NKIRAS1: variants seen among roughly 807,000 people sequenced by gnomAD.
NKIRAS1 encodes the protein NF-kappa-B inhibitor-interacting Ras-like protein 1.
In NKIRAS1, 16 loss-of-function variants were observed where a neutral mutation model predicts 19.8. The observed-to-expected ratio is 0.81, with a 90% CI of 0.55 to 1.23. NKIRAS1 has a LOEUF of 1.23. NKIRAS1 is among the 50% of genes most tolerant of loss of function. NKIRAS1 has a pLI of 0.00. For synonymous variants in NKIRAS1, 88 were observed against 79.0 expected, an observed-to-expected ratio of 1.11 and a Z score of -0.61; for missense variants, 184 against 220.0, an observed-to-expected ratio of 0.84 and a Z score of 1.04.
chr3:23,920,400 T>C, upstream of NKIRAS1: 1 of 985,434 alleles, frequency 1.0e-6, no homozygotes, highest in Non-Finnish European at 1.2e-6. Context: ...CATATGTGTT[T>C]TCTGCAGTTA....
chr3:23,905,427 G>T (rs376339888), intron 3 of NKIRAS1, among the ~76,000 whole-genome samples: 5 of 152,032 alleles, frequency 3.3e-5, no homozygotes, highest in African/African-American at 1.2e-4. Context: ...TCAAAATTCC[G>T]AAAGTATATT....
chr3:23,907,605 A>G (rs1703206417), intron 3 of NKIRAS1, among the ~76,000 whole-genome samples: 1 of 152,186 alleles, frequency 6.6e-6, no homozygotes. Context: ...TGGTGGGTAA[A>G]ACTGCCGGTA....
chr3:23,896,134 C>CA lies in NKIRAS1; in HGVS notation c.337-2798dup, dbSNP rs71057634. Among the ~76,000 whole-genome samples, 84 of 49,102 alleles carry CA rather than the reference C, an allele frequency of 1.7e-3. 1 individual carries two copies. Among genetic ancestry groups the CA allele is most frequent in the Admixed American group, 1.8e-3 (7 of 3,840 alleles). The allele number at this position is 49,102 out of a possible 152,430, so 32.2% of individuals were successfully genotyped here. On this transcript the variant is annotated intron_variant, in intron 4 of 4. Transcript: ENST00000425478. ...TGGGAGATGGAGCAAGACTCCATCT[C>CA]AAAAAAAAAAAAAAAAAAAAAACTT... is the stretch of plus-strand genomic sequence containing the variant.
At chr3:23,899,026 C>T (rs1702247526) in intron 4 of NKIRAS1, among the ~76,000 whole-genome samples, 1 of 152,176 alleles carries the variant, frequency 6.6e-6, no homozygotes, top group African/African-American at 2.4e-5. Flanking sequence ...CAAACCACCC[C>T]ATCTCCATCT....
At chr3:23,941,586 G>A (rs1482600816) in intron 1 of NKIRAS1, among the ~76,000 whole-genome samples, 3 of 151,942 alleles carry the variant, frequency 2.0e-5, no homozygotes, top group South Asian at 2.1e-4. Context: ...ATTAATAAAT[G>A]AGGCTCCTTG....
upstream of NKIRAS1, chr3:23,920,515 T>C (rs1705018462): frequency 5.1e-6 from 5 of 985,286 alleles, no homozygotes; most frequent in Non-Finnish European, 6.0e-6. Flanking sequence ...CCACATTGCA[T>C]TTCTGTTTGC....
intron 2 of NKIRAS1, 132 bp downstream of exon 2, chr3:23,911,197 C>G (rs1172593294): frequency 3.6e-6 from 1 of 278,594 alleles, no homozygotes; most frequent in Non-Finnish European, 6.9e-6. Context: ...CTCATGCCTG[C>G]AATCCTACCA....
Position 23,916,978 on chromosome 3 carries a change from G to A in NKIRAS1, c.-334C>T, listed in dbSNP as rs1704606999. On this transcript the variant is annotated 5_prime_UTR_variant, in exon 1 of 5. Coordinates refer to ENST00000425478, the MANE Select transcript of NKIRAS1 (RefSeq NM_020345.4). ...CTCAGGCTCGAATCTTGCGGAGCAG[G>A]GGGCGGGACAATAGCGGCCGCGGCG... The A allele has an allele frequency of 6.6e-6, 1 of 152,644 alleles. No homozygotes were observed. Among genetic ancestry groups the A allele is most frequent in the South Asian group, 2.1e-4 (1 of 4,834 alleles). The allele number at this position is 152,644 out of a possible 1,614,324, so 9.5% of individuals were successfully genotyped here. A position where few individuals can be genotyped will look rare whatever the true frequency, so the allele number is the denominator to read the frequency against.
At position 23,891,378 on chromosome 3, in the gene NKIRAS1, C is replaced by CGAT. The variant is rs1257356638; in HGVS notation, c.*1714_*1716dup. 1 of 152,144 alleles carries CGAT rather than the reference C, an allele frequency of 6.6e-6. No homozygotes were observed. Among genetic ancestry groups the CGAT allele is most frequent in the East Asian group, 1.9e-4 (1 of 5,200 alleles). The allele number at this position is 152,144 out of a possible 1,614,324, so 9.4% of individuals were successfully genotyped here. A position where few individuals can be genotyped will look rare whatever the true frequency, so the allele number is the denominator to read the frequency against. On this transcript the variant is annotated 3_prime_UTR_variant, in exon 5 of 5. Transcript: ENST00000425478. ...TGCCATTCGCAGATTCTTCTGAAAT[C>CGAT]GATAGGTATCTGCTTCTAAAACAAG...
intron 1 of NKIRAS1, among the ~76,000 whole-genome samples, chr3:23,913,149 G>C (rs747202905): frequency 6.6e-6 from 1 of 150,894 alleles, no homozygotes; most frequent in Non-Finnish European, 1.5e-5. Flanking sequence ...AGGATTAACA[G>C]ACAACGTTTG....
At chr3:23,907,300 G>C (rs1248093215) in intron 3 of NKIRAS1, among the ~76,000 whole-genome samples, 5 of 152,078 alleles carry the variant, frequency 3.3e-5, no homozygotes, top group Non-Finnish European at 7.3e-5. Context: ...AACTGTTTAT[G>C]TTATCAGGTT....
chr3:23,944,198 G>C (rs1356970841), intron 1 of NKIRAS1, among the ~76,000 whole-genome samples: 1 of 152,296 alleles, frequency 6.6e-6, no homozygotes, highest in African/African-American at 2.4e-5. Flanking sequence ...TAATTTTGCT[G>C]GCTTCAGGAA....
chr3:23,945,563 C>T (rs1016486424), intron 1 of NKIRAS1: 17 of 1,164,904 alleles, frequency 1.5e-5, no homozygotes, highest in Middle Eastern at 6.8e-4. Context: ...GCCCCGGCCG[C>T]CTCCGCGAGG....
intron 4 of NKIRAS1, among the ~76,000 whole-genome samples, chr3:23,899,213 C>T (rs562067315): frequency 3.9e-5 from 6 of 152,238 alleles, no homozygotes; most frequent in African/African-American, 1.4e-4. Context: ...AAAAGAGTAA[C>T]ATGAAGGATC....
At chr3:23,910,017 C>T (rs1330431448) in intron 3 of NKIRAS1, among the ~76,000 whole-genome samples, 1 of 151,972 alleles carries the variant, frequency 6.6e-6, no homozygotes, top group Non-Finnish European at 1.5e-5. Flanking sequence ...CACCGCCACA[C>T]CCAGCTAATT....
upstream of NKIRAS1, chr3:23,919,107 G>T: frequency 1.2e-6 from 1 of 849,736 alleles, no homozygotes. Context: ...TTGTCTGGTG[G>T]TGAACTAGAG....
chr3:23,939,029 A>G (rs993985494), intron 1 of NKIRAS1, among the ~76,000 whole-genome samples: 4 of 152,222 alleles, frequency 2.6e-5, no homozygotes, highest in Non-Finnish European at 5.9e-5. Context: ...TGAGCCAGAA[A>G]TGCCCAGCCA....
At position 23,928,100 on chromosome 3, in the gene NKIRAS1, C is replaced by CCACACACACACACACA. The variant is rs66482461; in HGVS notation, c.-139-16666_-139-16651dup. ...TCTCTCTCCTCTCTCTCTCTACACA[C>CCACACACACACACACA]CACACACACACACACACACACACAC... On this transcript the variant is annotated intron_variant, in intron 1 of 4. Transcript: ENST00000421515. Among the ~76,000 whole-genome samples, 64 of 146,194 alleles carry CCACACACACACACACA rather than the reference C, an allele frequency of 4.4e-4. No individual in the cohort carries two copies. In the East Asian group the frequency reaches 7.9e-3, roughly 18 times the overall value.
intron 1 of NKIRAS1, among the ~76,000 whole-genome samples, chr3:23,936,841 A>T (rs554334884): frequency 1.6e-4 from 24 of 152,322 alleles, no homozygotes; most frequent in Admixed American, 7.8e-4. Context: ...CCACTGCACT[A>T]CTGCGCCCGG....
Sources: gnomAD v4.1 joint callset for allele counts (sites outside exome capture counted in the v4.1 genomes callset) on GRCh38, gnomAD v4.1.1 for gene constraint, MANE v1.5 for transcripts, NCBI Gene and HGNC (gene_info 2026-07-23, HGNC 2026-07-21) for gene names.